IHO1: variants seen among roughly 807,000 people sequenced by gnomAD.
IHO1 encodes the protein interactor of HORMAD1 protein 1.
IHO1 carries 13 observed loss-of-function variants against 31.0 expected under a neutral mutation model. The ratio of observed to expected loss-of-function variants is 0.42; its 90% CI spans 0.27 to 0.67. IHO1 has a LOEUF of 0.67. IHO1 is among the 30% of genes least tolerant of loss of function. The pLI, the probability that IHO1 is intolerant of heterozygous loss-of-function variation, is 0.24. For missense variants in IHO1, 599 were observed against 687.5 expected (o/e 0.87, Z 1.44); for synonymous variants, 221 against 248.4 (o/e 0.89, Z 1.04).
chr3:49,200,587 G>C, intron 1 of IHO1: 2 of 984,568 alleles, frequency 2.0e-6, no homozygotes, highest in Non-Finnish European at 2.4e-6. Context: ...AATCGGGGCG[G>C]TCCTCTCCCC....
At chr3:49,239,569 C>T (rs559312863) in intron 3 of IHO1, among the ~76,000 whole-genome samples, 6 of 152,046 alleles carry the variant, frequency 3.9e-5, no homozygotes, top group Admixed American at 6.6e-5. Context: ...CGTGAGCCCC[C>T]GTGCCCAGCT....
chr3:49,240,936 A>G (rs930917480), intron 3 of IHO1, among the ~76,000 whole-genome samples: 6 of 152,216 alleles, frequency 3.9e-5, no homozygotes, highest in African/African-American at 1.4e-4. Context: ...AATAGCATAA[A>G]TGGTTCTCTG....
intron 1 of IHO1, among the ~76,000 whole-genome samples, chr3:49,206,169 T>G (rs1029892149): frequency 4.6e-5 from 7 of 152,178 alleles, no homozygotes; most frequent in African/African-American, 1.7e-4. Context: ...TTTCACCATG[T>G]TAGCCAGGAT....
intron 2 of IHO1, among the ~76,000 whole-genome samples, chr3:49,218,853 G>C (rs1432668732): frequency 6.6e-6 from 1 of 152,022 alleles, no homozygotes. Context: ...ACCTTACAAT[G>C]ACAAAACCCT....
chr3:49,208,464 C>G (rs1328925778), intron 1 of IHO1, among the ~76,000 whole-genome samples: 2 of 152,188 alleles, frequency 1.3e-5, no homozygotes, highest in Admixed American at 6.6e-5. Context: ...GCCTGATGAT[C>G]TGAGGTGGAA....
intron 6 of IHO1, 96 bp from the exon 7 acceptor site, chr3:49,255,294 C>A: frequency 1.2e-6 from 1 of 805,300 alleles, no homozygotes; most frequent in Non-Finnish European, 2.0e-6. Context: ...CTGCATCCAG[C>A]TCCTCCCTTT....
At chr3:49,229,749 G>T (rs2046459395) in intron 2 of IHO1, among the ~76,000 whole-genome samples, 1 of 152,176 alleles carries the variant, frequency 6.6e-6, no homozygotes, top group South Asian at 2.1e-4. Context: ...AGTTGGAGTT[G>T]GTAAAGCCCC....
At chr3:49,228,478 C>G (rs1559445229) in intron 2 of IHO1, 1 of 333,582 alleles carries the variant, frequency 3.0e-6, no homozygotes, top group Non-Finnish European at 6.0e-6. Context: ...AACAGAATAG[C>G]AAGCGAAAGG....
chr3:49,232,360 C>G (rs543736939), intron 2 of IHO1, among the ~76,000 whole-genome samples: 105 of 152,272 alleles, frequency 6.9e-4, no homozygotes, highest in African/African-American at 2.5e-3. Flanking sequence ...GCCTAAAGGC[C>G]AGATGCTATC....
the IHO1 span, chr3:49,191,790 G>C: frequency 1.3e-6 from 2 of 1,548,248 alleles, no homozygotes; most frequent in African/African-American, 2.7e-5. Context: ...GAAGGGAGCA[G>C]AAAAGGCAAA....
rs191554019 is a variant in IHO1 at position 49,257,814 on chromosome 3, T to C, written c.*532T>C. The C allele has an allele frequency of 1.3e-5, 2 of 153,136 alleles. No individual in the cohort carries two copies. Among genetic ancestry groups the C allele is most frequent in the East Asian group, 3.9e-4 (2 of 5,194 alleles). The allele number at this position is 153,136 out of a possible 1,614,324, so 9.5% of individuals were successfully genotyped here. A position where few individuals can be genotyped will look rare whatever the true frequency, so the allele number is the denominator to read the frequency against. ...ATATTACAGGACACCCTAAATCTTC[T>C]TGTGAACAGAGAAAATAAAATGATA... On this transcript the variant is annotated 3_prime_UTR_variant, in exon 8 of 8. Coordinates refer to ENST00000452691, the MANE Select transcript of IHO1 (RefSeq NM_001135197.2).
chr3:49,244,606 C>A (rs1451941603), intron 5 of IHO1, 40 bp from the exon 6 acceptor site: 3 of 1,551,804 alleles, frequency 1.9e-6, no homozygotes, highest in Admixed American at 1.7e-5. Flanking sequence ...TAGAATAAGG[C>A]AATAGCCTGT....
At chr3:49,210,877 T>C (rs1559438234) in intron 1 of IHO1, among the ~76,000 whole-genome samples, 2 of 151,748 alleles carry the variant, frequency 1.3e-5, no homozygotes, top group Admixed American at 1.3e-4. Context: ...TTTGTATTTT[T>C]AGTAGAGACA....
intron 1 of IHO1, among the ~76,000 whole-genome samples, chr3:49,211,127 C>G (rs1044094281): frequency 6.6e-6 from 1 of 151,632 alleles, no homozygotes; most frequent in African/African-American, 2.4e-5. Context: ...CCTGCCCCGG[C>G]CTCCTGAGTA....
At chr3:49,240,035 TTTTC>T (rs1054197831) in intron 3 of IHO1, among the ~76,000 whole-genome samples, 13 of 150,728 alleles carry the variant, frequency 8.6e-5, no homozygotes, top group African/African-American at 2.9e-4. Context: ...TGGTGCTTTT[TTTTC>T]TTTTCTTTTC....
rs1037064584 is a variant in IHO1, at chr3:49,235,097, G to A, written c.57-1451G>A. 3.3e-5 allele frequency among the ~76,000 whole-genome samples: 5 copies of A among 152,014 alleles called. No individual in the cohort carries two copies. In the East Asian group the frequency reaches 5.8e-4, roughly 18 times the overall value. On this transcript the variant is annotated intron_variant, in intron 2 of 7. Transcript: ENST00000452691. ...CCTAACCTTGTGATCTGCCCACCTC[G>A]CCTCCCAAAGTGCTAGCTAGGATTA...
the IHO1 span, among the ~76,000 whole-genome samples, chr3:49,192,984 C>T: frequency 7.9e-5 from 12 of 152,194 alleles, no homozygotes; most frequent in East Asian, 7.7e-4. Flanking sequence ...TGTTGACCAA[C>T]GGGACAATAA....
Position 49,256,016 on chromosome 3 carries a change from T to A in IHO1, c.637-118T>A, listed in dbSNP as rs2046817484. On this transcript the variant is annotated intron_variant, in intron 7 of 7. Coordinates refer to ENST00000452691, the MANE Select transcript of IHO1 (RefSeq NM_001135197.2). The surrounding 1 kb of genome is among the most constrained non-coding windows in gnomAD (Gnocchi z 4.6). Reference sequence around the variant, plus strand: ...TGTAATTGTGCTTACCCTGAGAGGTTCCCTACAAGGAGCAAGCCTTGGTTC... The same window carrying A: ...TGTAATTGTGCTTACCCTGAGAGGTACCCTACAAGGAGCAAGCCTTGGTTC... 7 of 863,800 alleles carry A rather than the reference T, an allele frequency of 8.1e-6. No homozygotes were observed. Among genetic ancestry groups the A allele is most frequent in the Non-Finnish European group, 1.1e-5 (6 of 551,602 alleles). The allele number at this position is 863,800 out of a possible 1,614,324, so 53.5% of individuals were successfully genotyped here. A position where few individuals can be genotyped will look rare whatever the true frequency, so the allele number is the denominator to read the frequency against.
intron 2 of IHO1, chr3:49,214,006 T>C (rs995922967): frequency 3.1e-5 from 12 of 384,754 alleles, no homozygotes; most frequent in African/African-American, 2.3e-4. Flanking sequence ...AGGTACCTCA[T>C]ACAGACTCTT....
Sources: gnomAD v4.1 joint callset for allele counts (sites outside exome capture counted in the v4.1 genomes callset) on GRCh38, gnomAD v4.1.1 for gene constraint, Gnocchi (gnomAD v3.1) non-coding constraint, MANE v1.5 for transcripts, NCBI Gene and HGNC (gene_info 2026-07-23, HGNC 2026-07-21) for gene names.